The following EDA variants were observed in gnomAD, a reference collection of about 807,000 sequenced individuals.
EDA encodes ectodysplasin-A.
In EDA, 2 loss-of-function variants were observed where a neutral mutation model predicts 23.6. The observed-to-expected ratio is 0.08, with a 90% CI of 0.03 to 0.27. The LOEUF (loss-of-function observed/expected upper bound fraction) is 0.27, where lower values mean the gene tolerates loss of function less well. Among genes scored for constraint, EDA ranks in the 10% least tolerant of loss-of-function variants. EDA has a pLI of 1.00. For missense variants in EDA, 229 were observed against 324.2 expected (o/e 0.71, Z 2.26); for synonymous variants, 131 against 132.0 (o/e 0.99, Z 0.05).
At chrX:70,030,225 A>G (rs2020179091) in intron 5 of EDA, among the ~76,000 whole-genome samples, 1 of 112,109 alleles carries the variant, frequency 8.9e-6, no homozygotes, top group South Asian at 3.7e-4. Flanking sequence ...CCCATTTTAC[A>G]GTTAGGGAAA....
intron 1 of EDA, among the ~76,000 whole-genome samples, chrX:69,643,810 T>C (rs1339984048): frequency 8.9e-6 from 1 of 112,042 alleles, no homozygotes; most frequent in Non-Finnish European, 1.9e-5. Context: ...GTGTCCAATT[T>C]CAATTTTCTG....
At chrX:69,879,541 C>T (rs756734037) in intron 1 of EDA, among the ~76,000 whole-genome samples, 31 of 111,923 alleles carry the variant, frequency 2.8e-4, no homozygotes, top group African/African-American at 1.0e-3. Context: ...TACAGCATCC[C>T]TGCTAATGCT....
intron 1 of EDA, among the ~76,000 whole-genome samples, chrX:69,924,777 T>C (rs1440695061): frequency 8.9e-6 from 1 of 112,240 alleles, no homozygotes; most frequent in East Asian, 2.8e-4. Context: ...TTCCTATCCT[T>C]GAGGATGGAA....
At chrX:69,741,393 A>G (rs1288569881) in intron 1 of EDA, among the ~76,000 whole-genome samples, 2 of 111,765 alleles carry the variant, frequency 1.8e-5, no homozygotes, top group African/African-American at 6.5e-5. Flanking sequence ...AGTGATTTGG[A>G]TGTAGTAGTT....
intron 1 of EDA, among the ~76,000 whole-genome samples, chrX:69,952,299 C>T (rs1333964823): frequency 1.8e-5 from 2 of 112,191 alleles, no homozygotes; most frequent in African/African-American, 6.5e-5. Context: ...ATTGGACTTA[C>T]AGTTCTCCGT....
intron 1 of EDA, among the ~76,000 whole-genome samples, chrX:69,932,171 C>T (rs910387724): frequency 1.8e-5 from 2 of 111,634 alleles, no homozygotes; most frequent in African/African-American, 3.3e-5. Context: ...CAGTCGTTAC[C>T]TGGAAATGCA....
chrX:69,655,486 T>C (rs1271255578), intron 1 of EDA, among the ~76,000 whole-genome samples: 1 of 104,886 alleles, frequency 9.5e-6, no homozygotes, highest in Non-Finnish European at 1.9e-5. Context: ...GTCCAGAAGG[T>C]ATCATTACCT....
chrX:69,818,718 G>T (rs1190104825), intron 1 of EDA, among the ~76,000 whole-genome samples: 3 of 111,283 alleles, frequency 2.7e-5, no homozygotes, highest in East Asian at 5.6e-4. Flanking sequence ...AATTGGGTCA[G>T]CAATAAATAG....
chrX:69,867,050 A>G (rs1008184542), intron 1 of EDA, among the ~76,000 whole-genome samples: 1 of 112,121 alleles, frequency 8.9e-6, no homozygotes, highest in African/African-American at 3.2e-5. Flanking sequence ...ACCTGCCACC[A>G]GGTGGCTAGC....
At chrX:69,888,975 T>C (rs1396727391) in intron 1 of EDA, among the ~76,000 whole-genome samples, 1 of 48,404 alleles carries the variant, frequency 2.1e-5, no homozygotes, top group Non-Finnish European at 3.6e-5. Flanking sequence ...TATTGTGGGG[T>C]AGTTATATAT....
chrX:69,724,725 A>G (rs141922345), intron 1 of EDA, among the ~76,000 whole-genome samples: 2 of 111,402 alleles, frequency 1.8e-5, no homozygotes, highest in African/African-American at 6.6e-5. Flanking sequence ...TAAATCCACA[A>G]AGGGGAGAAA....
intron 1 of EDA, among the ~76,000 whole-genome samples, chrX:69,925,492 G>C (rs1275146620): frequency 9.0e-6 from 1 of 111,596 alleles, no homozygotes; most frequent in Non-Finnish European, 1.9e-5. Context: ...TGCATTCCAG[G>C]AATGAAGCAA....
At chrX:69,812,290 A>T (rs1167077549) in intron 1 of EDA, among the ~76,000 whole-genome samples, 1 of 112,215 alleles carries the variant, frequency 8.9e-6, no homozygotes, top group South Asian at 3.7e-4. Flanking sequence ...TAGAAGTCCT[A>T]TGTAGCTTTA....
At chrX:69,736,710 A>AT (rs775041823) in intron 1 of EDA, among the ~76,000 whole-genome samples, 3 of 101,941 alleles carry the variant, frequency 2.9e-5, no homozygotes, top group Non-Finnish European at 4.0e-5. Context: ...TGATTTTTGT[A>AT]TTTTTTTTCC....
intron 1 of EDA, among the ~76,000 whole-genome samples, chrX:69,883,543 G>A (rs923271631): frequency 1.8e-5 from 2 of 111,486 alleles, no homozygotes; most frequent in African/African-American, 3.3e-5. Flanking sequence ...TTGACTTCCC[G>A]GTGCTGTGGG....
intron 1 of EDA, among the ~76,000 whole-genome samples, chrX:69,647,876 G>GT (rs1569282090): frequency 9.0e-6 from 1 of 111,720 alleles, no homozygotes; most frequent in Non-Finnish European, 1.9e-5. Flanking sequence ...TTTTTGTGGG[G>GT]TTTTTTGTTG....
At chrX:69,679,833 T>C (rs1934263951) in intron 1 of EDA, among the ~76,000 whole-genome samples, 1 of 109,612 alleles carries the variant, frequency 9.1e-6, no homozygotes, top group Non-Finnish European at 1.9e-5. Context: ...AGTTCTGCTC[T>C]GATTTTAGTT....
intron 2 of EDA, among the ~76,000 whole-genome samples, chrX:69,976,825 C>A (rs973741822): frequency 4.5e-5 from 5 of 110,155 alleles, no homozygotes; most frequent in Non-Finnish European, 5.7e-5. Flanking sequence ...GATCTTGAAA[C>A]TTTTCTTTTC....
Position 69,616,714 on chromosome X carries a change from C to G in EDA, c.396+10C>G, listed in dbSNP as rs754163471. 1 of 1,209,789 alleles carries G rather than the reference C, an allele frequency of 8.3e-7. No homozygotes were observed. The highest frequency in any genetic ancestry group is 3.0e-5 in the East Asian group (1 of 33,674). ...CCAGGACGGGCACCAGGTGAGTCAC[C>G]TAGTAGGGGCGGCGGCGGCCCCCTC... On this transcript the variant is annotated intron_variant, in intron 1 of 7. Transcript: ENST00000374552.
Sources: gnomAD v4.1 joint callset for allele counts (sites outside exome capture counted in the v4.1 genomes callset) on GRCh38, gnomAD v4.1.1 for gene constraint, MANE v1.5 for transcripts, NCBI Gene and HGNC (gene_info 2026-07-23, HGNC 2026-07-21) for gene names.